CAPN13: variants seen among roughly 807,000 people sequenced by gnomAD.
CAPN13 encodes the protein calpain-13.
A neutral mutation model predicts 98.4 loss-of-function variants in CAPN13; 90 were observed. The observed-to-expected ratio is 0.92, with a 90% CI of 0.77 to 1.09. CAPN13 has a LOEUF of 1.09. Ranked by LOEUF, CAPN13 falls within the 50% of genes least tolerant of loss-of-function variation. The pLI is 0.00. For synonymous variants in CAPN13, 330 were observed against 305.5 expected, an observed-to-expected ratio of 1.08 and a Z score of -0.84; for missense variants, 887 against 841.3, an observed-to-expected ratio of 1.05 and a Z score of -0.67.
chr2:30,754,879 A>G (rs1370115560), intron 8 of CAPN13, among the ~76,000 whole-genome samples: 1 of 152,000 alleles, frequency 6.6e-6, no homozygotes, highest in East Asian at 1.9e-4. Context: ...AGTTCTGCCC[A>G]CTTTCCCATC....
Position 30,743,545 on chromosome 2 carries a change from GA to G in CAPN13, c.1282del (p.Ser428ProfsTer20), listed in dbSNP as rs1479139254. 1.9e-6 allele frequency: 3 copies of G among 1,613,690 alleles called. No individual in the cohort carries two copies. Among genetic ancestry groups the G allele is most frequent in the East Asian group, 2.2e-5 (1 of 44,884 alleles). On this transcript the variant is annotated frameshift_variant, in exon 13 of 23. Coordinates refer to ENST00000295055, the MANE Select transcript of CAPN13 (RefSeq NM_144575.3). LOFTEE classifies it high-confidence loss of function. Reference protein sequence around the residue: ...FREKFPPVFFSSFRNTVQSSN... With the variant: ...FREKFPPVFFXSFRNTVQSSN... ...GCTTTGGACAGTGTTTCTGAACGAG[GA>G]AAAAAACACGGGTGGAAATTTCTCC...
intron 4 of CAPN13, among the ~76,000 whole-genome samples, chr2:30,774,774 T>G (rs1673598551): frequency 6.6e-6 from 1 of 152,146 alleles, no homozygotes; most frequent in African/African-American, 2.4e-5. Flanking sequence ...TTACTTCAAA[T>G]CAAGGTATGT....
intron 1 of CAPN13, among the ~76,000 whole-genome samples, chr2:30,798,702 A>G (rs1675016281): frequency 6.6e-6 from 1 of 152,246 alleles, no homozygotes; most frequent in African/African-American, 2.4e-5. Flanking sequence ...GTAATGTAGC[A>G]GAACACGACA....
chr2:30,785,251 T>C (rs1314364906), intron 2 of CAPN13, among the ~76,000 whole-genome samples: 1 of 152,130 alleles, frequency 6.6e-6, no homozygotes, highest in Admixed American at 6.5e-5. Context: ...GATCCTTCCC[T>C]CTCTAATCAT....
rs182081324 is a variant in CAPN13, at chr2:30,751,242, C to T, written c.1097G>A (p.Arg366Gln). The change falls in exon 11 of 23, where the codon CGG (arginine) becomes CAG (glutamine). Residue 366 changes from arginine (R) to glutamine (Q), a missense_variant. Arg to Gln is a conservative substitution (Grantham distance 43). Transcript: ENST00000295055. ...AGAGAAGTTGAATTGAGCATCATTCCGAGGTCCTCCTGCATCAGAAAGAGC... is the reference window on the plus strand; with the variant it reads ...AGAGAAGTTGAATTGAGCATCATTCTGAGGTCCTCCTGCATCAGAAAGAGC... The part of the protein sequence containing the change: ...VILGNTAGGP[R>Q]NDAQFNFSVQ... The T allele has an allele frequency of 2.9e-4, 461 of 1,613,770 alleles. 3 individuals carry two copies. In the East Asian group the frequency reaches 6.2e-3, roughly 22 times the overall value.
intron 2 of CAPN13, among the ~76,000 whole-genome samples, chr2:30,782,711 C>T (rs761468761): frequency 3.3e-5 from 5 of 152,162 alleles, no homozygotes; most frequent in Admixed American, 1.3e-4. Context: ...TGTTAAGCAA[C>T]GTGCTTGGGG....
chr2:30,727,538 A>T (rs1670899873), intron 22 of CAPN13, among the ~76,000 whole-genome samples: 1 of 152,228 alleles, frequency 6.6e-6, no homozygotes, highest in Non-Finnish European at 1.5e-5. Flanking sequence ...GATATAAAAT[A>T]ACCCACAAGC....
chr2:30,799,812 T>G (rs891305582), intron 1 of CAPN13, among the ~76,000 whole-genome samples: 14 of 152,034 alleles, frequency 9.2e-5, no homozygotes, highest in African/African-American at 1.9e-4. Context: ...AGTGGTTCAC[T>G]CCTGTAATCC....
intron 9 of CAPN13, among the ~76,000 whole-genome samples, chr2:30,753,450 T>G (rs1384157637): frequency 6.6e-6 from 1 of 152,206 alleles, no homozygotes; most frequent in Non-Finnish European, 1.5e-5. Flanking sequence ...TGCCATCTCC[T>G]TAACCCATTG....
chr2:30,758,811 CCCTTCCTCCCTT>C (rs1228871226), intron 7 of CAPN13, among the ~76,000 whole-genome samples: 25 of 92,644 alleles, frequency 2.7e-4, no homozygotes, highest in South Asian at 1.7e-3. Flanking sequence ...TCCCTCCCTT[CCCTTCCTCCCTT>C]CCTTCCTCCC....
intron 2 of CAPN13, among the ~76,000 whole-genome samples, chr2:30,784,032 T>C (rs1292130773): frequency 1.3e-5 from 2 of 151,814 alleles, no homozygotes; most frequent in Non-Finnish European, 2.9e-5. Flanking sequence ...GTACAAAAAT[T>C]AGCCAGGCAT....
At chr2:30,757,905 C>A in intron 8 of CAPN13, 141 bp downstream of exon 8, 1 of 605,602 alleles carries the variant, frequency 1.7e-6, no homozygotes, top group Non-Finnish European at 2.8e-6. Context: ...TGAGATGGAC[C>A]GATAGCCACG....
intron 8 of CAPN13, among the ~76,000 whole-genome samples, chr2:30,756,324 T>TC (rs1168080009): frequency 6.6e-6 from 1 of 151,870 alleles, no homozygotes; most frequent in Non-Finnish European, 1.5e-5. Flanking sequence ...AGCCTATGCG[T>TC]CCCCCTCCTA....
At chr2:30,800,335 C>T (rs908739692) in intron 1 of CAPN13, among the ~76,000 whole-genome samples, 5 of 152,168 alleles carry the variant, frequency 3.3e-5, no homozygotes, top group African/African-American at 7.2e-5. Context: ...AAAGCAGAAG[C>T]GACTTACTGA....
chr2:30,726,365 T>A (rs190732246), intron 22 of CAPN13, among the ~76,000 whole-genome samples: 115 of 152,338 alleles, frequency 7.5e-4, no homozygotes, highest in Non-Finnish European at 1.1e-3. Flanking sequence ...CTATTCGGCA[T>A]TGTATTAGAG....
intron 7 of CAPN13, among the ~76,000 whole-genome samples, chr2:30,758,920 T>C (rs1315445465): frequency 1.4e-5 from 2 of 142,366 alleles, no homozygotes; most frequent in South Asian, 2.4e-4. Flanking sequence ...CCCTTCTTTC[T>C]TTCCTTCCTT....
At chr2:30,765,843 C>T (rs1673083245) in intron 5 of CAPN13, among the ~76,000 whole-genome samples, 1 of 152,202 alleles carries the variant, frequency 6.6e-6, no homozygotes. Context: ...TACAGGAGCC[C>T]CCATGTGACA....
chr2:30,760,368 T>C (rs959936797), intron 7 of CAPN13, among the ~76,000 whole-genome samples: 1 of 152,126 alleles, frequency 6.6e-6, no homozygotes, highest in Admixed American at 6.5e-5. Flanking sequence ...CAAGCAATGG[T>C]CACTTGGTGT....
intron 2 of CAPN13, among the ~76,000 whole-genome samples, chr2:30,777,949 T>C (rs981423521): frequency 3.3e-5 from 5 of 152,216 alleles, no homozygotes; most frequent in Admixed American, 6.5e-5. Flanking sequence ...AGTGTTTTAT[T>C]AAGAGGTTGT....
Sources: gnomAD v4.1 joint callset for allele counts (sites outside exome capture counted in the v4.1 genomes callset) on GRCh38, gnomAD v4.1.1 for gene constraint, MANE v1.5 for transcripts, NCBI Gene and HGNC (gene_info 2026-07-23, HGNC 2026-07-21) for gene names.